CNKSR2: variants seen among roughly 807,000 people sequenced by gnomAD.
CNKSR2 encodes CNK homolog protein 2.
In CNKSR2, 14 loss-of-function variants were observed where a neutral mutation model predicts 84.4. The observed-to-expected ratio is 0.17, with a 90% CI of 0.11 to 0.26. The LOEUF is 0.26. CNKSR2 is among the 10% of genes least tolerant of loss of function. CNKSR2 has a pLI of 1.00. For missense variants in CNKSR2, 485 were observed against 771.2 expected (o/e 0.63, Z 4.40); for synonymous variants, 275 against 277.9 (o/e 0.99, Z 0.10).
In CNKSR2 at chrX:21,609,053, A is replaced by G. The variant is rs1300040743; in HGVS notation, c.2146-18A>G. ...TCTGTTATTTTGGCACAGACTAATC[A>G]GGGGCTCCTTTCTACAGATGAGTTG... On this transcript the variant is annotated intron_variant, in intron 19 of 21. Transcript: ENST00000379510. The G allele has an allele frequency of 3.4e-6, 4 of 1,185,078 alleles. No individual in the cohort carries two copies. The highest frequency in any genetic ancestry group is 3.4e-6 in the Non-Finnish European group (3 of 881,909).
At chrX:21,428,195 A>G (rs971787184) in intron 2 of CNKSR2, 1 of 111,879 alleles carries the variant, frequency 8.9e-6, no homozygotes, top group Non-Finnish European at 1.9e-5. Flanking sequence ...TAGCTCATAA[A>G]AGATGCTAAA....
At chrX:21,439,554 A>C (rs189811566) in intron 3 of CNKSR2, among the ~76,000 whole-genome samples, 138 of 111,049 alleles carry the variant, frequency 1.2e-3, no homozygotes, top group African/African-American at 4.3e-3. Context: ...CGGAGCAATA[A>C]GATCCTCTTA....
intron 8 of CNKSR2, chrX:21,504,866 A>G: frequency 3.4e-6 from 1 of 294,724 alleles, no homozygotes; most frequent in East Asian, 4.8e-5. Flanking sequence ...AGAAAAAATC[A>G]TGAACATCCA....
intron 1 of CNKSR2, among the ~76,000 whole-genome samples, chrX:21,382,724 T>C (rs761561815): frequency 8.9e-6 from 1 of 111,845 alleles, no homozygotes; most frequent in East Asian, 2.8e-4. Flanking sequence ...TAGTGTTCAA[T>C]TTGCATTTTT....
intron 13 of CNKSR2, among the ~76,000 whole-genome samples, chrX:21,569,707 T>A (rs1477949094): frequency 8.9e-6 from 1 of 112,492 alleles, no homozygotes; most frequent in Non-Finnish European, 1.9e-5. Flanking sequence ...CTATGGCAGC[T>A]ATAGCCTTAC....
chrX:21,586,219 T>G (rs1050903110), intron 13 of CNKSR2, among the ~76,000 whole-genome samples: 2 of 111,488 alleles, frequency 1.8e-5, no homozygotes. Flanking sequence ...AAAAATTGAC[T>G]CACGAGGTGT....
chrX:21,467,768 C>T (rs1430189682), intron 4 of CNKSR2, among the ~76,000 whole-genome samples: 5 of 110,582 alleles, frequency 4.5e-5, no homozygotes, highest in African/African-American at 1.6e-4. Flanking sequence ...ATATATCTCC[C>T]TTAAACTTTC....
chrX:21,453,889 C>T (rs748251409), intron 4 of CNKSR2, among the ~76,000 whole-genome samples: 32 of 110,960 alleles, frequency 2.9e-4, no homozygotes, highest in East Asian at 1.1e-3. Flanking sequence ...AACCAGATCT[C>T]GTGAGAACTC....
At chrX:21,463,935 G>A (rs1032567759) in intron 4 of CNKSR2, among the ~76,000 whole-genome samples, 2 of 111,776 alleles carry the variant, frequency 1.8e-5, no homozygotes, top group African/African-American at 6.5e-5. Context: ...GTTGATGCCG[G>A]TGCTCCCTTA....
intron 6 of CNKSR2, chrX:21,493,863 G>A (rs1237438773): frequency 9.0e-6 from 1 of 111,657 alleles, no homozygotes; most frequent in East Asian, 2.8e-4. Context: ...ATTAAAAGCA[G>A]TTACAACATG....
intron 3 of CNKSR2, among the ~76,000 whole-genome samples, chrX:21,435,469 C>T (rs2147073790): frequency 9.0e-6 from 1 of 111,396 alleles, no homozygotes; most frequent in Admixed American, 9.6e-5. Flanking sequence ...AAGACCAGCT[C>T]CTTACATTTC....
intron 20 of CNKSR2, chrX:21,642,616 A>G: frequency 1.3e-6 from 1 of 747,808 alleles, no homozygotes. Flanking sequence ...CAGATAATTT[A>G]ACACTGTATT....
chrX:21,561,570 C>G lies in CNKSR2; in HGVS notation c.1393+10C>G, dbSNP rs761699518. 14 of 1,153,016 alleles carry G rather than the reference C, an allele frequency of 1.2e-5. No individual in the cohort carries two copies. The East Asian group carries it at 3.9e-4, about 32-fold the overall frequency. On this transcript the variant is annotated intron_variant, in intron 12 of 21. Transcript: ENST00000379510. ...AGAGATAGTAGAAGAGGTAAGTGTT[C>G]TAGAATTTCAGTGTAGGCTGGGTTG...
chrX:21,589,747 A>G (rs986455344), intron 13 of CNKSR2, among the ~76,000 whole-genome samples: 3 of 111,803 alleles, frequency 2.7e-5, no homozygotes, highest in African/African-American at 9.8e-5. Flanking sequence ...TAGCTTGGCA[A>G]GTATGATGCA....
intron 4 of CNKSR2, among the ~76,000 whole-genome samples, chrX:21,462,310 AT>A (rs1300761195): frequency 9.0e-6 from 1 of 111,583 alleles, no homozygotes; most frequent in African/African-American, 3.3e-5. Flanking sequence ...AAATGGGATT[AT>A]TTTTGTTTTC....
chrX:21,636,365 G>C (rs888741050), intron 20 of CNKSR2, among the ~76,000 whole-genome samples: 3 of 111,003 alleles, frequency 2.7e-5, no homozygotes, highest in Non-Finnish European at 5.7e-5. Flanking sequence ...TCTGTCGGGG[G>C]TTCATGTCTC....
At chrX:21,517,428 T>C (rs2091738894) in intron 9 of CNKSR2, among the ~76,000 whole-genome samples, 1 of 110,710 alleles carries the variant, frequency 9.0e-6, no homozygotes, top group Non-Finnish European at 1.9e-5. Flanking sequence ...ATCATTTTTC[T>C]CTTTCCACCC....
chrX:21,558,083 G>C (rs1399569195), intron 11 of CNKSR2, among the ~76,000 whole-genome samples: 3 of 111,434 alleles, frequency 2.7e-5, no homozygotes, highest in Non-Finnish European at 5.7e-5. Context: ...TTGAATCATA[G>C]ATTTATCTTT....
intron 17 of CNKSR2, among the ~76,000 whole-genome samples, chrX:21,598,893 C>T: frequency 8.9e-6 from 1 of 112,408 alleles, no homozygotes. Context: ...TCATAATAAC[C>T]TAAAATATTA....
Sources: allele counts gnomAD v4.1 joint callset (sites outside exome capture counted in the v4.1 genomes callset), GRCh38; gene constraint gnomAD v4.1.1; transcripts MANE v1.5; gene names NCBI Gene and HGNC (gene_info 2026-07-23, HGNC 2026-07-21).